LRBA: variants seen among roughly 807,000 people sequenced by gnomAD.
LRBA encodes the protein LPS responsive beige-like anchor protein.
LRBA carries 176 observed loss-of-function variants against 330.0 expected under a neutral mutation model. The ratio of observed to expected loss-of-function variants is 0.53; its 90% confidence interval spans 0.47 to 0.60. LRBA has a LOEUF of 0.60. LRBA is among the 20% of genes least tolerant of loss of function. The pLI, the probability that LRBA is intolerant of heterozygous loss-of-function variation, is 0.00. For missense variants in LRBA, 3,259 were observed against 3,444.8 expected, an observed-to-expected ratio of 0.95 and a Z score of 1.35; for synonymous variants, 1,230 against 1,193.0, an observed-to-expected ratio of 1.03 and a Z score of -0.64.
intron 17 of LRBA, among the ~76,000 whole-genome samples, chr4:150,890,864 T>A (rs958512985): frequency 7.2e-5 from 11 of 152,160 alleles, no homozygotes; most frequent in Non-Finnish European, 1.5e-5. Context: ...ATAGAATAAT[T>A]CTTCTTACTA....
intron 37 of LRBA, among the ~76,000 whole-genome samples, chr4:150,628,301 A>G (rs2126657956): frequency 6.6e-6 from 1 of 152,298 alleles, no homozygotes; most frequent in East Asian, 1.9e-4. Context: ...GCCATCAATC[A>G]AGATCCAATC....
At chr4:150,428,074 G>T (rs886725449) in intron 46 of LRBA, among the ~76,000 whole-genome samples, 1 of 151,904 alleles carries the variant, frequency 6.6e-6, no homozygotes, top group South Asian at 2.1e-4. Flanking sequence ...TATTTAACAT[G>T]CATATGTAAT....
intron 37 of LRBA, among the ~76,000 whole-genome samples, chr4:150,630,842 T>C (rs1389790749): frequency 6.6e-6 from 1 of 152,100 alleles, no homozygotes; most frequent in Non-Finnish European, 1.5e-5. Flanking sequence ...AAAAACATAC[T>C]ATGGAAAGAG....
At chr4:150,905,628 T>A (rs527471717) in intron 13 of LRBA, among the ~76,000 whole-genome samples, 11 of 152,064 alleles carry the variant, frequency 7.2e-5, no homozygotes, top group Non-Finnish European at 1.6e-4. Context: ...TGTATGTATG[T>A]ATATATTATT....
intron 47 of LRBA, among the ~76,000 whole-genome samples, chr4:150,368,261 T>C (rs1739770753): frequency 6.6e-6 from 1 of 152,148 alleles, no homozygotes; most frequent in African/African-American, 2.4e-5. Context: ...CAGAAAATGT[T>C]CCCATCAGTG....
intron 40 of LRBA, among the ~76,000 whole-genome samples, chr4:150,512,916 T>C (rs1430338765): frequency 1.3e-5 from 2 of 152,078 alleles, no homozygotes; most frequent in Non-Finnish European, 2.9e-5. Flanking sequence ...ATGTGATAGA[T>C]GAACACAAAA....
In LRBA at chr4:151,009,461, A is replaced by C. The variant is rs187342824; in HGVS notation, c.216+4966T>G. ...CTACTCAGGAGGCTGAGGCAGGAGA[A>C]TTGCTTGAACCCAGGAAGTGGAGGT... On this transcript the variant is annotated intron_variant, in intron 2 of 56. Coordinates refer to ENST00000651943, the MANE Select transcript of LRBA (RefSeq NM_001364905.1). Among the ~76,000 whole-genome samples, 191 of 150,328 alleles carry C rather than the reference A, an allele frequency of 1.3e-3. 2 individuals carry two copies. The Middle Eastern group carries it at 0.024, about 19-fold the overall frequency.
chr4:150,553,536 A>C (rs1183558935), intron 40 of LRBA, among the ~76,000 whole-genome samples: 1 of 152,128 alleles, frequency 6.6e-6, no homozygotes, highest in East Asian at 1.9e-4. Context: ...CCTAACAGGG[A>C]AACTGGGTTG....
intron 2 of LRBA, among the ~76,000 whole-genome samples, chr4:150,935,734 A>G (rs1337381073): frequency 6.6e-6 from 1 of 152,000 alleles, no homozygotes; most frequent in Non-Finnish European, 1.5e-5. Context: ...ATGGTACTAG[A>G]CAGAAAATAA....
At chr4:150,965,344 A>G (rs1452045807) in intron 2 of LRBA, among the ~76,000 whole-genome samples, 2 of 152,236 alleles carry the variant, frequency 1.3e-5, no homozygotes. Flanking sequence ...CAAATAAGAA[A>G]AATTATCAGC....
intron 34 of LRBA, among the ~76,000 whole-genome samples, chr4:150,787,970 C>T (rs1223847555): frequency 6.6e-6 from 1 of 152,170 alleles, no homozygotes; most frequent in Non-Finnish European, 1.5e-5. Context: ...AGTCAGATTG[C>T]TGGATCATAT....
intron 40 of LRBA, among the ~76,000 whole-genome samples, chr4:150,516,850 C>T (rs1246084143): frequency 6.6e-6 from 1 of 151,990 alleles, no homozygotes; most frequent in Non-Finnish European, 1.5e-5. Context: ...GGCCTTTGAC[C>T]CAACAAGCTT....
At chr4:150,680,480 A>G (rs938937641) in intron 37 of LRBA, among the ~76,000 whole-genome samples, 2 of 152,192 alleles carry the variant, frequency 1.3e-5, no homozygotes, top group East Asian at 1.9e-4. Context: ...GGAAACAACA[A>G]TTCCCATCTG....
At chr4:150,722,904 G>C (rs953435322) in intron 36 of LRBA, among the ~76,000 whole-genome samples, 1 of 152,050 alleles carries the variant, frequency 6.6e-6, no homozygotes, top group East Asian at 1.9e-4. Flanking sequence ...TTTGGGGAAG[G>C]AGAGCTCAAC....
chr4:150,434,434 G>T (rs1750825849), intron 46 of LRBA, among the ~76,000 whole-genome samples: 1 of 152,148 alleles, frequency 6.6e-6, no homozygotes, highest in African/African-American at 2.4e-5. Flanking sequence ...GCAAAATCAG[G>T]TATGCTTTTA....
chr4:150,814,039 AT>A (rs1233818647), intron 31 of LRBA, among the ~76,000 whole-genome samples: 1 of 152,108 alleles, frequency 6.6e-6, no homozygotes, highest in Non-Finnish European at 1.5e-5. Flanking sequence ...GGTATTGGAT[AT>A]ATCACATAAT....
At chr4:150,352,964 CTA>C (rs1376705425) in intron 47 of LRBA, among the ~76,000 whole-genome samples, 1 of 152,160 alleles carries the variant, frequency 6.6e-6, no homozygotes, top group Non-Finnish European at 1.5e-5. Context: ...TACTGCCAGA[CTA>C]GCTCATCACT....
At chr4:150,949,284 A>G (rs1344227878) in intron 2 of LRBA, among the ~76,000 whole-genome samples, 8 of 152,130 alleles carry the variant, frequency 5.3e-5, no homozygotes, top group African/African-American at 1.7e-4. Context: ...AACTATTGAC[A>G]CACACAGCAA....
At chr4:150,671,064 C>CAG (rs112359871) in intron 37 of LRBA, among the ~76,000 whole-genome samples, 1 of 112,990 alleles carries the variant, frequency 8.9e-6, no homozygotes, top group Non-Finnish European at 1.9e-5. Context: ...GAGAGAGAGA[C>CAG]AGAGAGAGAG....
Sources: allele counts gnomAD v4.1 joint callset (sites outside exome capture counted in the v4.1 genomes callset), GRCh38; gene constraint gnomAD v4.1.1; transcripts MANE v1.5; gene names NCBI Gene and HGNC (gene_info 2026-07-23, HGNC 2026-07-21).